Variants in GRHL2 observed in about 807,000 individuals in gnomAD.
GRHL2 encodes grainyhead like transcription factor 2.
GRHL2 carries 21 observed loss-of-function variants against 83.8 expected under a neutral mutation model. That is an observed-to-expected ratio of 0.25 (90% CI 0.18 to 0.36). The LOEUF (loss-of-function observed/expected upper bound fraction) is 0.36. GRHL2 is among the 10% of genes least tolerant of loss of function. The probability of loss-of-function intolerance (pLI) is 1.00; values close to 1 mark genes in which losing one functional copy is unlikely to be tolerated. For missense variants in GRHL2, 623 were observed against 781.8 expected (o/e 0.80, Z 2.42); for synonymous variants, 280 against 278.9 (o/e 1.00, Z -0.04).
intron 8 of GRHL2, among the ~76,000 whole-genome samples, chr8:101,604,086 ATG>A (rs1194085937): frequency 2.0e-5 from 3 of 149,270 alleles, no homozygotes; most frequent in East Asian, 2.0e-4. Context: ...GCATATGTGT[ATG>A]TGTGTGTGTA....
chr8:101,552,318 A>G (rs948058703), intron 2 of GRHL2, among the ~76,000 whole-genome samples: 1 of 152,120 alleles, frequency 6.6e-6, no homozygotes, highest in Non-Finnish European at 1.5e-5. Flanking sequence ...CCTGTTCTTT[A>G]TGGTGACACT....
At chr8:101,618,013 G>A in intron 8 of GRHL2, among the ~76,000 whole-genome samples, 1 of 152,132 alleles carries the variant, frequency 6.6e-6, no homozygotes, top group East Asian at 1.9e-4. Context: ...GCAATGAATA[G>A]TTTAACATTT....
intron 1 of GRHL2, among the ~76,000 whole-genome samples, chr8:101,521,506 C>T (rs1810682897): frequency 6.6e-6 from 1 of 152,174 alleles, no homozygotes; most frequent in Non-Finnish European, 1.5e-5. Context: ...TCTTCATTAA[C>T]ACTCGTCACA....
chr8:101,610,270 A>G lies in GRHL2; in HGVS notation c.1099-9269A>G, dbSNP rs539305508. On this transcript the variant is annotated intron_variant, in intron 8 of 15. Coordinates refer to ENST00000646743, the MANE Select transcript of GRHL2 (RefSeq NM_024915.4). ...TCCTTAATTAAATGTTTGTTCCATT[A>G]ATGCAAATCATAACTAATCTACCTT... Among the ~76,000 whole-genome samples the G allele has an allele frequency of 2.6e-5, 4 of 151,230 alleles. No individual in the cohort carries two copies. In the East Asian group the frequency reaches 7.7e-4, roughly 29 times the overall value.
intron 8 of GRHL2, among the ~76,000 whole-genome samples, chr8:101,615,111 G>C (rs959493974): frequency 5.9e-5 from 9 of 152,170 alleles, no homozygotes; most frequent in African/African-American, 2.2e-4. Context: ...AGTGTCTCCC[G>C]GTGAAGTCTG....
chr8:101,584,486 A>T (rs1812122742), intron 7 of GRHL2, among the ~76,000 whole-genome samples: 1 of 152,190 alleles, frequency 6.6e-6, no homozygotes, highest in Non-Finnish European at 1.5e-5. Flanking sequence ...ACCTCTGTGG[A>T]TGATTCAGCA....
intron 12 of GRHL2, among the ~76,000 whole-genome samples, chr8:101,643,435 G>A (rs1282751693): frequency 6.7e-6 from 1 of 149,926 alleles, no homozygotes; most frequent in Admixed American, 6.7e-5. Context: ...ACTAAGGAAG[G>A]ACAGTGACTG....
chr8:101,587,368 A>T (rs192419014), intron 7 of GRHL2, among the ~76,000 whole-genome samples: 1 of 152,338 alleles, frequency 6.6e-6, no homozygotes, highest in Non-Finnish European at 1.5e-5. Context: ...AAGCTGTCCT[A>T]TAGAGATACT....
intron 14 of GRHL2, 111 bp from the exon 15 acceptor site, chr8:101,664,343 A>AAGC (rs1813996624): frequency 1.3e-6 from 1 of 767,142 alleles, no homozygotes; most frequent in Non-Finnish European, 2.3e-6. Flanking sequence ...ATGAGTGAAG[A>AAGC]GCACTCTATC....
intron 4 of GRHL2, among the ~76,000 whole-genome samples, chr8:101,569,482 G>A (rs938827455): frequency 6.6e-6 from 1 of 152,128 alleles, no homozygotes; most frequent in South Asian, 2.1e-4. Context: ...TAAGAAAATA[G>A]GGTCTTAATA....
chr8:101,569,587 A>G (rs1811781274), intron 4 of GRHL2, among the ~76,000 whole-genome samples: 1 of 152,132 alleles, frequency 6.6e-6, no homozygotes, highest in Non-Finnish European at 1.5e-5. Flanking sequence ...CTTCCGCCTC[A>G]ACTTTCTGGG....
intron 7 of GRHL2, among the ~76,000 whole-genome samples, chr8:101,592,343 T>A (rs188186373): frequency 6.6e-6 from 1 of 152,254 alleles, no homozygotes; most frequent in Admixed American, 6.5e-5. Flanking sequence ...GACCTCGTGA[T>A]CCACCTGCCT....
chr8:101,513,643 C>T (rs949834772), intron 1 of GRHL2, among the ~76,000 whole-genome samples: 4 of 151,600 alleles, frequency 2.6e-5, no homozygotes, highest in Middle Eastern at 3.4e-3. Flanking sequence ...TACAGGTGCC[C>T]GCCAACACAC....
chr8:101,515,022 TTTCC>T lies in GRHL2; in HGVS notation c.20+22250_20+22253del, dbSNP rs758781328. 4.4e-3 allele frequency among the ~76,000 whole-genome samples: 650 copies of T among 148,320 alleles called. 4 individuals carry two copies. Among genetic ancestry groups the T allele is most frequent in the African/African-American group, 0.015 (601 of 38,912 alleles). ...TTCCTCCCTTCCTTCCCCCCTTCAT[TTTCC>T]TTCCTTCCTTCCTTCCATCCTTCCT... On this transcript the variant is annotated intron_variant, in intron 1 of 15. Transcript: ENST00000646743.
At chr8:101,619,758 G>A (rs1241136200) in intron 9 of GRHL2, 61 bp downstream of exon 9, 2 of 1,296,704 alleles carry the variant, frequency 1.5e-6, no homozygotes, top group Non-Finnish European at 1.1e-6. Flanking sequence ...ACTTTTAATG[G>A]CATTTCTTCC....
chr8:101,672,928 C>G (rs1451119106), downstream of GRHL2, among the ~76,000 whole-genome samples: 44 of 149,834 alleles, frequency 2.9e-4, no homozygotes, highest in South Asian at 1.5e-3. Context: ...AATTTTCAAC[C>G]CAGAATTTCA....
chr8:101,582,044 C>G (rs1162597756), intron 7 of GRHL2, among the ~76,000 whole-genome samples: 1 of 152,152 alleles, frequency 6.6e-6, no homozygotes, highest in Non-Finnish European at 1.5e-5. Flanking sequence ...TCCAGACCAG[C>G]CTGGCCAACA....
At chr8:101,529,881 G>C (rs1266645219) in intron 1 of GRHL2, among the ~76,000 whole-genome samples, 3 of 152,116 alleles carry the variant, frequency 2.0e-5, no homozygotes, top group Non-Finnish European at 4.4e-5. Flanking sequence ...GGCCCAGCAG[G>C]GTAAGCTGGG....
chr8:101,675,888 C>G, the GRHL2 span, among the ~76,000 whole-genome samples: 1 of 152,092 alleles, frequency 6.6e-6, no homozygotes, highest in African/African-American at 2.4e-5. Context: ...CAGAACAGAG[C>G]CCTCAGAAAT....
Sources: allele counts gnomAD v4.1 joint callset (sites outside exome capture counted in the v4.1 genomes callset), GRCh38; gene constraint gnomAD v4.1.1; transcripts MANE v1.5; gene names NCBI Gene and HGNC (gene_info 2026-07-23, HGNC 2026-07-21).